IL10RB: variants seen among roughly 807,000 people sequenced by gnomAD.
The protein encoded by IL10RB is interleukin-10 receptor subunit beta.
Under a neutral mutation model 38.7 loss-of-function variants are expected in IL10RB, and 30 were observed. The ratio of observed to expected loss-of-function variants is 0.78; its 90% confidence interval spans 0.58 to 1.05. IL10RB has a LOEUF of 1.05. Ranked by LOEUF, IL10RB falls within the 50% of genes least tolerant of loss-of-function variation. The pLI is 0.00. For synonymous variants in IL10RB, 142 were observed against 145.9 expected (o/e 0.97, Z 0.19); for missense variants, 328 against 397.1 (o/e 0.83, Z 1.48).
At chr21:33,292,619 C>T (rs902297421) in intron 6 of IL10RB, among the ~76,000 whole-genome samples, 9 of 152,126 alleles carry the variant, frequency 5.9e-5, no homozygotes, top group African/African-American at 1.4e-4. Flanking sequence ...CTGTCTCTGC[C>T]GGGACCCCAT....
chr21:33,283,367 C>CA lies in IL10RB; in HGVS notation c.646+127dup, dbSNP rs1307387784. The CA allele has an allele frequency of 6.7e-5, 64 of 957,872 alleles. 1 individual carries two copies. The East Asian group carries it at 1.5e-3, about 22-fold the overall frequency. The allele number at this position is 957,872 out of a possible 1,614,324, so 59.3% of individuals were successfully genotyped here. Reference sequence around the variant, plus strand: ...AATCTATCGCCCTGACATTATCTCTCAGCCCTGACTGCTCAGCTTCATGCT... The same window carrying CA: ...AATCTATCGCCCTGACATTATCTCTCAAGCCCTGACTGCTCAGCTTCATGCT... On this transcript the variant is annotated intron_variant, in intron 5 of 6. Transcript: ENST00000290200.
At chr21:33,298,923 G>A (rs2082978079), downstream of IL10RB, among the ~76,000 whole-genome samples, 1 of 152,190 alleles carries the variant, frequency 6.6e-6, no homozygotes, top group Admixed American at 6.5e-5. Flanking sequence ...CAGGTGTCAT[G>A]GTGCTGGCCA....
At chr21:33,267,518 G>GTTTT (rs757034791) in intron 1 of IL10RB, among the ~76,000 whole-genome samples, 1 of 45,022 alleles carries the variant, frequency 2.2e-5, no homozygotes, top group African/African-American at 4.8e-5. Flanking sequence ...TTGTTTTTTT[G>GTTTT]TTTTTTTTTG....
At chr21:33,269,990 C>T (rs1014447567) in intron 2 of IL10RB, among the ~76,000 whole-genome samples, 5 of 152,116 alleles carry the variant, frequency 3.3e-5, no homozygotes, top group African/African-American at 4.8e-5. Context: ...TGGTCACATT[C>T]TCTCCCTTCC....
rs1437771117 is a variant in IL10RB, at chr21:33,266,446, G to A, written c.-20G>A. 9.1e-6 allele frequency: 14 copies of A among 1,540,590 alleles called. No individual in the cohort carries two copies. Among genetic ancestry groups the A allele is most frequent in the East Asian group, 4.9e-5 (2 of 40,844 alleles). On this transcript the variant is annotated 5_prime_UTR_variant, in exon 1 of 7. Transcript: ENST00000290200. ...GGGTCGTGTGCTTGGAGGAAGCCGC[G>A]GAACCCCCAGCGTCCGTCCATGGCG...
chr21:33,293,589 G>A (rs1025025206), intron 6 of IL10RB, among the ~76,000 whole-genome samples: 3 of 152,212 alleles, frequency 2.0e-5, no homozygotes, highest in African/African-American at 7.2e-5. Flanking sequence ...GGGAAGCCAA[G>A]GCTGGCAGAT....
intron 3 of IL10RB, among the ~76,000 whole-genome samples, chr21:33,277,559 A>G (rs76134289): frequency 9.3e-4 from 141 of 151,802 alleles, no homozygotes; most frequent in African/African-American, 3.2e-3. Flanking sequence ...CACTAAAAGA[A>G]TTGTCTCTGG....
chr21:33,268,349 G>C, intron 1 of IL10RB, 45 bp from the exon 2 acceptor site: 1 of 1,613,506 alleles, frequency 6.2e-7, no homozygotes, highest in Non-Finnish European at 8.5e-7. Context: ...ATGGGCATCT[G>C]TTTTGAGGAG....
intron 1 of IL10RB, 75 bp downstream of exon 1, chr21:33,266,589 T>A: frequency 7.0e-7 from 1 of 1,436,974 alleles, no homozygotes; most frequent in Non-Finnish European, 9.5e-7. Flanking sequence ...ATCCCATCCC[T>A]GGGCGCCCTG....
intron 1 of IL10RB, among the ~76,000 whole-genome samples, chr21:33,305,570 G>C (rs959719303): frequency 2.6e-5 from 4 of 152,188 alleles, no homozygotes; most frequent in African/African-American, 4.8e-5. Context: ...TATTGTAGCA[G>C]CGTAGGCAGG....
Position 33,288,478 on chromosome 21 carries a change from C to T in IL10RB, c.804+217C>T, listed in dbSNP as rs8178525. Among the ~76,000 whole-genome samples, 687 of 151,854 alleles carry T rather than the reference C, an allele frequency of 4.5e-3. 8 individuals carry two copies. Among genetic ancestry groups the T allele is most frequent in the African/African-American group, 0.016 (654 of 41,392 alleles). ...GAAGGAACAGCCCCGAGGAAAGGGG[C>T]GCGGGGTTGTCCAGTATCCCTCTCT... On this transcript the variant is annotated intron_variant, in intron 6 of 6. Transcript: ENST00000290200.
chr21:33,285,544 A>G (rs1300987085), intron 5 of IL10RB, among the ~76,000 whole-genome samples: 1 of 152,184 alleles, frequency 6.6e-6, no homozygotes, highest in African/African-American at 2.4e-5. Flanking sequence ...GGAACTCTCC[A>G]TCTGGGGTGA....
rs202019714 is a variant in IL10RB, at chr21:33,276,679, C to G, written c.257C>G (p.Thr86Ser). 4 of 1,613,048 alleles carry G rather than the reference C, an allele frequency of 2.5e-6. No homozygotes were observed. Among genetic ancestry groups the G allele is most frequent in the East Asian group, 4.5e-5 (2 of 44,878 alleles). Reference protein sequence around the residue: ...FSSLSKYGDHTLRVRAEFADE... With the variant: ...FSSLSKYGDHSLRVRAEFADE... Reference sequence around the variant, plus strand: ...AGTCTTTCCAAGTATGGTGACCACACCTTGAGAGTCAGGGCTGAATTTGCA... The same window carrying G: ...AGTCTTTCCAAGTATGGTGACCACAGCTTGAGAGTCAGGGCTGAATTTGCA... The change falls in exon 3 of 7, where the codon ACC (threonine) becomes AGC (serine). Residue 86 changes from threonine to serine, a missense_variant. Transcript: ENST00000290200.
In IL10RB at chr21:33,283,047, G is replaced by C; in HGVS notation, c.499-47G>C. 7 of 1,453,602 alleles carry C rather than the reference G, an allele frequency of 4.8e-6. No homozygotes were observed. In the South Asian group the frequency reaches 7.0e-5, roughly 14 times the overall value. The allele number at this position is 1,453,602 out of a possible 1,614,324, so 90.0% of individuals were successfully genotyped here. A position where few individuals can be genotyped will look rare whatever the true frequency, so the allele number is the denominator to read the frequency against. On this transcript the variant is annotated intron_variant, in intron 4 of 6. Coordinates refer to ENST00000290200, the MANE Select transcript of IL10RB (RefSeq NM_000628.5). ...TAAATGTGAAAAAAAAAAAGGTGGT[G>C]CCCTTCCACTGCTTAGTCATGTTCT...
chr21:33,292,270 C>T (rs891477349), intron 6 of IL10RB, among the ~76,000 whole-genome samples: 6 of 152,184 alleles, frequency 3.9e-5, no homozygotes, highest in African/African-American at 1.4e-4. Flanking sequence ...AGACCCACGG[C>T]CCAAAGCTCT....
chr21:33,308,360 A>C (rs1422358276), intron 1 of IL10RB: 3 of 152,262 alleles, frequency 2.0e-5, no homozygotes, highest in Non-Finnish European at 4.4e-5. Flanking sequence ...GAAAGATTCT[A>C]AACTTCACAA....
At chr21:33,281,079 G>T (rs1002225930) in intron 4 of IL10RB, among the ~76,000 whole-genome samples, 2 of 152,194 alleles carry the variant, frequency 1.3e-5, no homozygotes, top group African/African-American at 4.8e-5. Flanking sequence ...CTAGATGGTG[G>T]AAGGCAAAGG....
chr21:33,300,441 C>CA (rs11335398), downstream of IL10RB, among the ~76,000 whole-genome samples: 296 of 134,472 alleles, frequency 2.2e-3, 1 homozygote, highest in South Asian at 3.2e-3. Flanking sequence ...AACTCCATCT[C>CA]AAAAAAAAAA....
At chr21:33,292,759 C>T (rs1989514028) in intron 6 of IL10RB, among the ~76,000 whole-genome samples, 1 of 152,204 alleles carries the variant, frequency 6.6e-6, no homozygotes, top group Non-Finnish European at 1.5e-5. Flanking sequence ...CACCCAGCAT[C>T]TTTTCCCACC....
Sources: gnomAD v4.1 joint callset for allele counts (sites outside exome capture counted in the v4.1 genomes callset) on GRCh38, gnomAD v4.1.1 for gene constraint, MANE v1.5 for transcripts, NCBI Gene and HGNC (gene_info 2026-07-23, HGNC 2026-07-21) for gene names.